The following KLHL29 variants were observed in gnomAD, a reference collection of about 807,000 sequenced individuals.
KLHL29 encodes kelch-like protein 29.
A neutral mutation model predicts 80.4 loss-of-function variants in KLHL29; 21 were observed. The observed-to-expected ratio is 0.26, with a 90% confidence interval of 0.19 to 0.38. The LOEUF is 0.38. Among genes scored for constraint, KLHL29 ranks in the 10% least tolerant of loss-of-function variants. KLHL29 has a pLI of 1.00. For missense variants in KLHL29, 867 were observed against 1,223.9 expected (o/e 0.71, Z 4.35); for synonymous variants, 511 against 526.8 (o/e 0.97, Z 0.41).
At chr2:23,541,762 A>AC (rs1287579983) in intron 2 of KLHL29, among the ~76,000 whole-genome samples, 1 of 144,122 alleles carries the variant, frequency 6.9e-6, no homozygotes. Context: ...AAAAAGCCCA[A>AC]CCCAAAAAAC....
intron 1 of KLHL29, among the ~76,000 whole-genome samples, chr2:23,441,968 A>G (rs1663538548): frequency 6.6e-6 from 1 of 152,278 alleles, no homozygotes; most frequent in Admixed American, 6.5e-5. Context: ...CCATGTCCTA[A>G]TCGCAGAAAA....
At chr2:23,413,825 T>C (rs1463474497) in intron 1 of KLHL29, among the ~76,000 whole-genome samples, 1 of 152,230 alleles carries the variant, frequency 6.6e-6, no homozygotes, top group East Asian at 1.9e-4. Flanking sequence ...TCCTTTGTAA[T>C]GTGTCCCTTC....
intron 2 of KLHL29, among the ~76,000 whole-genome samples, chr2:23,481,000 A>C (rs1664783364): frequency 6.6e-6 from 1 of 152,202 alleles, no homozygotes; most frequent in Non-Finnish European, 1.5e-5. Context: ...TCATGGACCC[A>C]CAAATCATGT....
At chr2:23,450,939 T>G (rs1663859452) in intron 1 of KLHL29, among the ~76,000 whole-genome samples, 1 of 152,200 alleles carries the variant, frequency 6.6e-6, no homozygotes, top group Non-Finnish European at 1.5e-5. Flanking sequence ...ACTAATCTAT[T>G]GTTTTTTTCT....
At chr2:23,456,353 C>T (rs1332755440) in intron 1 of KLHL29, among the ~76,000 whole-genome samples, 3 of 152,254 alleles carry the variant, frequency 2.0e-5, no homozygotes, top group African/African-American at 7.2e-5. Context: ...ACAGAACCCC[C>T]AGCATGCTCC....
intron 2 of KLHL29, among the ~76,000 whole-genome samples, chr2:23,515,303 A>G (rs1210313673): frequency 6.6e-6 from 1 of 151,544 alleles, no homozygotes; most frequent in Non-Finnish European, 1.5e-5. Context: ...CACTCCCACA[A>G]CCTCTACTCC....
intron 6 of KLHL29, chr2:23,691,360 C>T (rs142830713): frequency 0.011 from 4,382 of 399,664 alleles, 36 homozygotes; most frequent in Middle Eastern, 0.026. Flanking sequence ...TGGGCTGAAC[C>T]GTATTGTTTC....
chr2:23,541,362 A>G (rs1666830043), intron 2 of KLHL29, among the ~76,000 whole-genome samples: 1 of 152,260 alleles, frequency 6.6e-6, no homozygotes, highest in Non-Finnish European at 1.5e-5. Context: ...ACCGGGCTCC[A>G]GAACTCAAGG....
intron 3 of KLHL29, among the ~76,000 whole-genome samples, chr2:23,620,159 G>T (rs1669133111): frequency 6.6e-6 from 1 of 152,146 alleles, no homozygotes; most frequent in South Asian, 2.1e-4. Flanking sequence ...GATGTGTGGA[G>T]ATTGGACGCA....
chr2:23,696,670 C>T lies in KLHL29; in HGVS notation c.2105+157C>T, dbSNP rs945213292. On this transcript the variant is annotated intron_variant, in intron 11 of 13. Transcript: ENST00000486442. This position sits in a 1 kb window ranked among gnomAD's most constrained non-coding sequence, Gnocchi z 5.5. ...ATCCCAGGCTCTTCAGTCACAGCACCGGGGGCAGCAGGGTGTGGGATACAA... is the reference window on the plus strand; with the variant it reads ...ATCCCAGGCTCTTCAGTCACAGCACTGGGGGCAGCAGGGTGTGGGATACAA... The T allele has an allele frequency of 1.8e-5, 11 of 600,678 alleles. No individual in the cohort carries two copies. The highest frequency in any genetic ancestry group is 1.2e-4 in the East Asian group (4 of 32,888). 37.2% of individuals were successfully genotyped at this position (600,678 alleles called of 1,614,324 possible).
chr2:23,540,882 G>A (rs1384634651), intron 2 of KLHL29, among the ~76,000 whole-genome samples: 1 of 152,224 alleles, frequency 6.6e-6, no homozygotes, highest in Non-Finnish European at 1.5e-5. Context: ...AAGGAAGAGA[G>A]ACCTTTGTTT....
chr2:23,619,794 T>C (rs927125520), intron 3 of KLHL29, among the ~76,000 whole-genome samples: 9 of 152,200 alleles, frequency 5.9e-5, no homozygotes, highest in Non-Finnish European at 1.0e-4. Flanking sequence ...GACTGCTTCA[T>C]CCCAGCCTGT....
intron 2 of KLHL29, among the ~76,000 whole-genome samples, chr2:23,485,393 C>CA (rs1664908310): frequency 1.3e-5 from 2 of 152,190 alleles, no homozygotes; most frequent in Non-Finnish European, 2.9e-5. Context: ...TGAAAGGAGC[C>CA]AGCCACACCC....
At chr2:23,467,894 C>G (rs967470470) in intron 1 of KLHL29, among the ~76,000 whole-genome samples, 3 of 151,798 alleles carry the variant, frequency 2.0e-5, no homozygotes, top group African/African-American at 7.3e-5. Context: ...TGAGGAAGAC[C>G]CCTCTTCATT....
intron 2 of KLHL29, among the ~76,000 whole-genome samples, chr2:23,479,938 G>A (rs923607438): frequency 1.3e-5 from 2 of 152,204 alleles, no homozygotes; most frequent in Non-Finnish European, 2.9e-5. Context: ...CAGAACCACC[G>A]ACAGTGTGTC....
intron 2 of KLHL29, among the ~76,000 whole-genome samples, chr2:23,542,562 G>A (rs906456199): frequency 6.6e-6 from 1 of 152,222 alleles, no homozygotes; most frequent in Admixed American, 6.5e-5. Context: ...GACCTTTTCT[G>A]CAAAGCACAT....
At position 23,638,752 on chromosome 2, in the gene KLHL29, C is replaced by T. The variant is rs182504182; in HGVS notation, c.286-387C>T. 1.7e-3 allele frequency among the ~76,000 whole-genome samples: 258 copies of T among 152,242 alleles called. 2 individuals carry two copies. Among genetic ancestry groups the T allele is most frequent in the African/African-American group, 5.5e-3 (230 of 41,490 alleles). ...ACACAGTCAGTACTCAGCACATGCC[C>T]GATAAGTTGGTAGCATCTGTGTGGT... On this transcript the variant is annotated intron_variant, in intron 3 of 13. Coordinates refer to ENST00000486442, the MANE Select transcript of KLHL29 (RefSeq NM_052920.2).
chr2:23,560,573 T>C (rs971222669), intron 2 of KLHL29, among the ~76,000 whole-genome samples: 2 of 152,240 alleles, frequency 1.3e-5, no homozygotes, highest in African/African-American at 4.8e-5. Context: ...CCAGCCTGGA[T>C]AGACTTTTTA....
chr2:23,500,797 T>G (rs944204316), intron 2 of KLHL29, among the ~76,000 whole-genome samples: 2 of 152,208 alleles, frequency 1.3e-5, no homozygotes, highest in Non-Finnish European at 2.9e-5. Context: ...TGCGACAATT[T>G]ATAAAAGAGA....
Sources: gnomAD v4.1 joint callset for allele counts (sites outside exome capture counted in the v4.1 genomes callset) on GRCh38, gnomAD v4.1.1 for gene constraint, Gnocchi (gnomAD v3.1) non-coding constraint, MANE v1.5 for transcripts, NCBI Gene and HGNC (gene_info 2026-07-23, HGNC 2026-07-21) for gene names.